HS3ST4: variants seen among roughly 807,000 people sequenced by gnomAD.
HS3ST4 encodes the protein heparan sulfate-glucosamine 3-sulfotransferase 4.
Under a neutral mutation model 29.2 loss-of-function variants are expected in HS3ST4, and 17 were observed. The observed-to-expected ratio is 0.58, with a 90% confidence interval of 0.40 to 0.87. The LOEUF (loss-of-function observed/expected upper bound fraction) is 0.87. Among genes scored for constraint, HS3ST4 ranks in the 40% least tolerant of loss-of-function variants. The pLI, the probability that HS3ST4 is intolerant of heterozygous loss-of-function variation, is 0.00. For missense variants in HS3ST4, 627 were observed against 634.5 expected (o/e 0.99, Z 0.13); for synonymous variants, 314 against 285.7 (o/e 1.10, Z -1.00).
chr16:26,102,259 T>C (rs1411420497), intron 1 of HS3ST4, among the ~76,000 whole-genome samples: 1 of 12,598 alleles, frequency 7.9e-5, no homozygotes, highest in Non-Finnish European at 4.7e-4. Flanking sequence ...AGCAATGATT[T>C]TTTTTTTTTC....
Position 25,888,933 on chromosome 16 carries a change from CA to C in HS3ST4, c.734+195784del, listed in dbSNP as rs1364972349. On this transcript the variant is annotated intron_variant, in intron 1 of 1. Transcript: ENST00000331351. ...CATGGTTCCAAATTCCCAGTCATGG[CA>C]ACCATCCCCCTTCCTGAGCCAGACC... Among the ~76,000 whole-genome samples, 4 of 152,300 alleles carry C rather than the reference CA, an allele frequency of 2.6e-5. No individual in the cohort carries two copies. The East Asian group carries it at 7.7e-4, about 29-fold the overall frequency.
chr16:26,075,241 G>A (rs1357987082), intron 1 of HS3ST4, among the ~76,000 whole-genome samples: 1 of 152,074 alleles, frequency 6.6e-6, no homozygotes, highest in Non-Finnish European at 1.5e-5. Flanking sequence ...AACTCTTCCA[G>A]ACCAACCCTT....
intron 1 of HS3ST4, among the ~76,000 whole-genome samples, chr16:26,096,325 T>C (rs7500522): frequency 0.61 from 92,694 of 152,034 alleles, 29,009 homozygotes; most frequent in African/African-American, 0.73. Flanking sequence ...CCCTGATAAA[T>C]ATCAATGCAA....
intron 1 of HS3ST4, among the ~76,000 whole-genome samples, chr16:26,012,436 G>A (rs2141740832): frequency 6.6e-6 from 1 of 152,288 alleles, no homozygotes; most frequent in South Asian, 2.1e-4. Context: ...TCTTCTATGT[G>A]GAACTGAAGA....
At chr16:25,785,171 C>A (rs1966856250) in intron 1 of HS3ST4, among the ~76,000 whole-genome samples, 1 of 152,204 alleles carries the variant, frequency 6.6e-6, no homozygotes, top group African/African-American at 2.4e-5. Flanking sequence ...CAAAATATTG[C>A]TTCTCACAGT....
chr16:26,120,466 GTTC>G (rs1316333643), intron 1 of HS3ST4, among the ~76,000 whole-genome samples: 1 of 152,196 alleles, frequency 6.6e-6, no homozygotes, highest in African/African-American at 2.4e-5. Flanking sequence ...TAAAAAGGTC[GTTC>G]TTCTGTCGTA....
At chr16:26,090,945 A>G (rs7200311) in intron 1 of HS3ST4, among the ~76,000 whole-genome samples, 82,058 of 151,896 alleles carry the variant, frequency 0.54, 22,919 homozygotes, top group African/African-American at 0.67. Flanking sequence ...AGGCTAGGTT[A>G]TGAAGTGAGC....
At chr16:26,135,538 A>G (rs1443325008) in intron 1 of HS3ST4, 74 bp from the exon 2 acceptor site, 1 of 1,425,222 alleles carries the variant, frequency 7.0e-7, no homozygotes, top group East Asian at 2.3e-5. Context: ...TTTATATCAC[A>G]CATTTTGTGC....
intron 1 of HS3ST4, among the ~76,000 whole-genome samples, chr16:25,710,215 T>C (rs1006322085): frequency 6.6e-6 from 1 of 152,228 alleles, no homozygotes; most frequent in Non-Finnish European, 1.5e-5. Flanking sequence ...CTTAAAAATA[T>C]ATGTATATCT....
chr16:25,897,534 A>G (rs1000371330), intron 1 of HS3ST4, among the ~76,000 whole-genome samples: 1 of 152,186 alleles, frequency 6.6e-6, no homozygotes, highest in African/African-American at 2.4e-5. Flanking sequence ...CCGGTCCCAG[A>G]GGGGATCCTT....
intron 1 of HS3ST4, among the ~76,000 whole-genome samples, chr16:25,755,155 A>C (rs1025268258): frequency 6.6e-6 from 1 of 151,998 alleles, no homozygotes; most frequent in African/African-American, 2.4e-5. Flanking sequence ...CATTCATTCA[A>C]CAAGCAGTCA....
intron 1 of HS3ST4, among the ~76,000 whole-genome samples, chr16:25,889,192 C>T (rs1258937091): frequency 6.6e-6 from 1 of 152,178 alleles, no homozygotes; most frequent in Non-Finnish European, 1.5e-5. Context: ...CAGATAGCAA[C>T]ACTTCCGGAG....
chr16:26,022,558 C>T (rs1020864622), intron 1 of HS3ST4, among the ~76,000 whole-genome samples: 1 of 152,060 alleles, frequency 6.6e-6, no homozygotes, highest in African/African-American at 2.4e-5. Flanking sequence ...TAGTCCCAGA[C>T]TATGTGGAAA....
intron 1 of HS3ST4, among the ~76,000 whole-genome samples, chr16:25,854,841 T>C (rs1967559615): frequency 6.6e-6 from 1 of 152,016 alleles, no homozygotes; most frequent in Non-Finnish European, 1.5e-5. Context: ...AGGTTTATTC[T>C]GAGCCAATAT....
chr16:25,776,537 A>G lies in HS3ST4; in HGVS notation c.734+83386A>G, dbSNP rs553748525. ...TACAAAACCAAACTGTGCTCTGACC[A>G]TCTTGGGCAAATGTTGTTAGGACCT... On this transcript the variant is annotated intron_variant, in intron 1 of 1. Coordinates refer to ENST00000331351, the MANE Select transcript of HS3ST4 (RefSeq NM_006040.3). Among the ~76,000 whole-genome samples the G allele has an allele frequency of 3.2e-4, 49 of 152,298 alleles. No homozygotes were observed. The South Asian group carries it at 7.3e-3, about 23-fold the overall frequency.
chr16:26,053,476 A>T (rs113909550), intron 1 of HS3ST4, among the ~76,000 whole-genome samples: 9,221 of 152,264 alleles, frequency 0.061, 341 homozygotes, highest in African/African-American at 0.11. Context: ...TGTGTATAAC[A>T]TCCTGATGGA....
At chr16:25,703,429 T>C (rs992395868) in intron 1 of HS3ST4, among the ~76,000 whole-genome samples, 44 of 152,198 alleles carry the variant, frequency 2.9e-4, no homozygotes, top group African/African-American at 1.1e-3. Context: ...AGATAGGCAC[T>C]GATATTACCC....
intron 1 of HS3ST4, among the ~76,000 whole-genome samples, chr16:25,758,762 C>T (rs1369669281): frequency 2.0e-5 from 3 of 151,988 alleles, no homozygotes; most frequent in Non-Finnish European, 4.4e-5. Context: ...TTGAAACCAG[C>T]CTGACCAACA....
chr16:25,949,413 A>G (rs1345009942), intron 1 of HS3ST4, among the ~76,000 whole-genome samples: 1 of 151,950 alleles, frequency 6.6e-6, no homozygotes, highest in African/African-American at 2.4e-5. Context: ...TCTACTCTCT[A>G]TGTTCATGAT....
Sources: gnomAD v4.1 joint callset for allele counts (sites outside exome capture counted in the v4.1 genomes callset) on GRCh38, gnomAD v4.1.1 for gene constraint, MANE v1.5 for transcripts, NCBI Gene and HGNC (gene_info 2026-07-23, HGNC 2026-07-21) for gene names.